The following SNTB1 variants were observed in gnomAD, a reference collection of about 807,000 sequenced individuals.
SNTB1 encodes syntrophin beta 1.
In SNTB1, 36 loss-of-function variants were observed where a neutral mutation model predicts 48.9. That is an observed-to-expected ratio of 0.74 (90% confidence interval 0.56 to 0.97). SNTB1 has a LOEUF of 0.97. Among genes scored for constraint, SNTB1 ranks in the 50% least tolerant of loss-of-function variants. The pLI is 0.00. For missense variants in SNTB1, 786 were observed against 703.4 expected, an observed-to-expected ratio of 1.12 and a Z score of -1.33; for synonymous variants, 299 against 294.6, an observed-to-expected ratio of 1.01 and a Z score of -0.15.
chr8:120,631,677 TAGAG>T (rs1291136110), intron 3 of SNTB1, among the ~76,000 whole-genome samples: 4 of 152,204 alleles, frequency 2.6e-5, no homozygotes, highest in African/African-American at 7.2e-5. Context: ...TCCTTTGAAA[TAGAG>T]AGAAAGAGTA....
chr8:120,695,283 A>G (rs1818193749), intron 1 of SNTB1, among the ~76,000 whole-genome samples: 5 of 152,220 alleles, frequency 3.3e-5, no homozygotes, highest in Admixed American at 3.3e-4. Context: ...CAAGACATCA[A>G]CAGGATTATA....
chr8:120,631,797 A>G (rs1383217684), intron 3 of SNTB1, among the ~76,000 whole-genome samples: 1 of 152,168 alleles, frequency 6.6e-6, no homozygotes, highest in South Asian at 2.1e-4. Flanking sequence ...AGTCTTTTCC[A>G]CAGCAGCTGT....
Position 120,686,726 on chromosome 8 carries a change from T to C in SNTB1, c.788+6966A>G, listed in dbSNP as rs79695244. Among the ~76,000 whole-genome samples the C allele has an allele frequency of 9.0e-3, 1,367 of 152,322 alleles. 19 individuals carry two copies. The highest frequency in any genetic ancestry group is 0.031 in the African/African-American group (1,300 of 41,566). ...TTAAACCCATATTTTCCAGAATAAC[T>C]GCAACTCTAGAGTTTTATTCACTGA... On this transcript the variant is annotated intron_variant, in intron 2 of 6. Coordinates refer to ENST00000517992, the MANE Select transcript of SNTB1 (RefSeq NM_021021.4).
intron 2 of SNTB1, among the ~76,000 whole-genome samples, chr8:120,667,081 TTC>T (rs35665089): frequency 1.0e-3 from 149 of 143,472 alleles, no homozygotes; most frequent in Non-Finnish European, 1.8e-3. Context: ...TGTTTGGTAA[TTC>T]TCTCTCTCTC....
intron 2 of SNTB1, among the ~76,000 whole-genome samples, chr8:120,653,107 T>G (rs1587065283): frequency 6.6e-6 from 1 of 152,216 alleles, no homozygotes; most frequent in East Asian, 1.9e-4. Context: ...ACTCACCCTG[T>G]GCAGTGCATT....
intron 1 of SNTB1, among the ~76,000 whole-genome samples, chr8:120,732,714 C>T (rs910363100): frequency 3.3e-5 from 5 of 152,154 alleles, no homozygotes; most frequent in East Asian, 1.9e-4. Context: ...GGCATGTTGG[C>T]GCATGCCTGT....
At chr8:120,574,228 T>C (rs1815910631) in intron 4 of SNTB1, among the ~76,000 whole-genome samples, 1 of 152,170 alleles carries the variant, frequency 6.6e-6, no homozygotes, top group Non-Finnish European at 1.5e-5. Flanking sequence ...TGGGGATGTG[T>C]TGGCCAAAGG....
chr8:120,569,339 G>A (rs1815805524), intron 4 of SNTB1, among the ~76,000 whole-genome samples: 2 of 152,136 alleles, frequency 1.3e-5, no homozygotes, highest in South Asian at 4.1e-4. Context: ...TTTCCTGTTT[G>A]CATATTGGAT....
chr8:120,700,375 C>T (rs184199803), intron 1 of SNTB1, among the ~76,000 whole-genome samples: 11 of 152,250 alleles, frequency 7.2e-5, no homozygotes, highest in Admixed American at 5.9e-4. Flanking sequence ...CAGAACTGAA[C>T]CACTAGTGTC....
intron 4 of SNTB1, among the ~76,000 whole-genome samples, chr8:120,574,165 C>T (rs192577810): frequency 1.3e-4 from 20 of 152,198 alleles, no homozygotes; most frequent in East Asian, 1.2e-3. Flanking sequence ...TCTAAAATGA[C>T]GAAGCTCTTA....
chr8:120,787,877 A>C (rs962185798), intron 1 of SNTB1, among the ~76,000 whole-genome samples: 5 of 152,176 alleles, frequency 3.3e-5, no homozygotes, highest in African/African-American at 1.2e-4. Context: ...ATGATCAAAT[A>C]ATTCCTGGAA....
At chr8:120,645,014 G>T (rs973923434) in intron 2 of SNTB1, among the ~76,000 whole-genome samples, 42 of 148,216 alleles carry the variant, frequency 2.8e-4, no homozygotes, top group African/African-American at 1.0e-3. Context: ...GGGGTTGTTT[G>T]TTTTTTTCTT....
chr8:120,673,657 GTC>G (rs1470342896), intron 2 of SNTB1, among the ~76,000 whole-genome samples: 1 of 151,934 alleles, frequency 6.6e-6, no homozygotes, highest in Non-Finnish European at 1.5e-5. Context: ...AGCAAAAACT[GTC>G]AGATTCCCAG....
In SNTB1 at chr8:120,619,664, G is replaced by A. The variant is rs528391028; in HGVS notation, c.996+12780C>T. On this transcript the variant is annotated intron_variant, in intron 3 of 6. Transcript: ENST00000517992. ...GTTCAGTTTTTACTCTACCATTTAC[G>A]GTAGATCTTTGGCCTTCATGATTTA... 8.5e-5 allele frequency among the ~76,000 whole-genome samples: 13 copies of A among 152,120 alleles called. No individual in the cohort carries two copies. The South Asian group carries it at 2.1e-3, about 24-fold the overall frequency.
intron 4 of SNTB1, among the ~76,000 whole-genome samples, chr8:120,573,951 AG>A (rs1373999354): frequency 6.6e-6 from 1 of 152,254 alleles, no homozygotes; most frequent in East Asian, 1.9e-4. Flanking sequence ...GTTTGAAATC[AG>A]GAAGTGTGAT....
intron 2 of SNTB1, among the ~76,000 whole-genome samples, chr8:120,640,815 T>A (rs1427243526): frequency 6.6e-6 from 1 of 152,206 alleles, no homozygotes; most frequent in Non-Finnish European, 1.5e-5. Flanking sequence ...TCATTGTTCA[T>A]CAGGGATATT....
chr8:120,633,274 A>G (rs7840986), intron 2 of SNTB1, among the ~76,000 whole-genome samples: 115,292 of 152,050 alleles, frequency 0.76, 44,040 homozygotes, highest in East Asian at 0.92. Flanking sequence ...GCCTAGGAAG[A>G]GGTAACAATG....
chr8:120,635,946 C>A, intron 2 of SNTB1: 1 of 527,444 alleles, frequency 1.9e-6, no homozygotes. Context: ...TGATTTTCTC[C>A]AAAGCTTTCA....
At chr8:120,650,274 G>C (rs541280140) in intron 2 of SNTB1, among the ~76,000 whole-genome samples, 1 of 152,194 alleles carries the variant, frequency 6.6e-6, no homozygotes, top group Non-Finnish European at 1.5e-5. Flanking sequence ...AGGAGTCAAT[G>C]ACAATAGGAG....
Sources: gnomAD v4.1 joint callset for allele counts (sites outside exome capture counted in the v4.1 genomes callset) on GRCh38, gnomAD v4.1.1 for gene constraint, MANE v1.5 for transcripts, NCBI Gene and HGNC (gene_info 2026-07-23, HGNC 2026-07-21) for gene names.